The following UTP20 variants were observed in gnomAD, a reference collection of about 807,000 sequenced individuals.
UTP20 encodes small subunit processome component 20 homolog.
UTP20 carries 164 observed loss-of-function variants against 329.5 expected under a neutral mutation model. That is an observed-to-expected ratio of 0.50 (90% confidence interval 0.44 to 0.57). The LOEUF is 0.57. UTP20 is among the 20% of genes least tolerant of loss of function. The pLI is 0.00. For missense variants in UTP20, 3,055 were observed against 3,284.2 expected, an observed-to-expected ratio of 0.93 and a Z score of 1.71; for synonymous variants, 1,151 against 1,159.3, an observed-to-expected ratio of 0.99 and a Z score of 0.14.
chr12:101,360,552 C>T (rs1241033187), intron 43 of UTP20, among the ~76,000 whole-genome samples: 1 of 152,174 alleles, frequency 6.6e-6, no homozygotes, highest in Non-Finnish European at 1.5e-5. Context: ...GGGCCGAATG[C>T]TGTGGCTCAC....
At chr12:101,304,686 A>T (rs1872608017) in intron 15 of UTP20, among the ~76,000 whole-genome samples, 1 of 152,122 alleles carries the variant, frequency 6.6e-6, no homozygotes, top group South Asian at 2.1e-4. Flanking sequence ...GAGGCCAGGG[A>T]TGCTGCTGAG....
chr12:101,312,024 T>C lies in UTP20; in HGVS notation c.2312-12T>C. The stretch of plus-strand genomic sequence containing the variant: ...ATTTGTCTGGTGGTTATGACAACTT[T>C]CTTTCTTGCAGAGAAGGAACTACAG... On this transcript the variant is annotated splice_polypyrimidine_tract_variant and intron_variant, in intron 20 of 61. Coordinates refer to ENST00000261637, the MANE Select transcript of UTP20 (RefSeq NM_014503.3). The C allele has an allele frequency of 6.2e-7, 1 of 1,613,944 alleles. No individual in the cohort carries two copies.
intron 49 of UTP20, 90 bp downstream of exon 49, chr12:101,369,981 AG>A (rs1432892382): frequency 1.3e-5 from 17 of 1,290,722 alleles, no homozygotes; most frequent in Non-Finnish European, 1.6e-5. Flanking sequence ...TGGGAGGCTG[AG>A]GTGGGAGGAT....
At chr12:101,370,341 C>A in intron 49 of UTP20, 91 bp from the exon 50 acceptor site, 1 of 1,412,522 alleles carries the variant, frequency 7.1e-7, no homozygotes, top group Non-Finnish European at 9.5e-7. Flanking sequence ...TTTGGAAAAG[C>A]ATACTTGTGT....
intron 44 of UTP20, 67 bp from the exon 45 acceptor site, chr12:101,363,509 G>T: frequency 6.9e-7 from 1 of 1,439,128 alleles, no homozygotes; most frequent in South Asian, 1.5e-5. Flanking sequence ...CCTTTTTTCA[G>T]TGACTGCTTA....
chr12:101,300,899 T>C (rs904972492), intron 14 of UTP20, among the ~76,000 whole-genome samples: 14 of 152,132 alleles, frequency 9.2e-5, no homozygotes, highest in Non-Finnish European at 2.1e-4. Flanking sequence ...ATTTTTACCA[T>C]TGTAGAAAAT....
intron 38 of UTP20, among the ~76,000 whole-genome samples, chr12:101,349,075 C>A (rs1302656525): frequency 6.6e-6 from 1 of 151,896 alleles, no homozygotes; most frequent in Admixed American, 6.6e-5. Flanking sequence ...AGATGGTGCT[C>A]AACTGTATTC....
intron 2 of UTP20, among the ~76,000 whole-genome samples, chr12:101,283,368 T>A (rs1871857929): frequency 6.6e-6 from 1 of 152,194 alleles, no homozygotes; most frequent in Admixed American, 6.5e-5. Flanking sequence ...GGTGGCAGAA[T>A]CTTTTCAATA....
intron 12 of UTP20, among the ~76,000 whole-genome samples, chr12:101,298,874 GT>G (rs982118310): frequency 2.2e-4 from 31 of 143,520 alleles, no homozygotes; most frequent in South Asian, 4.4e-4. Context: ...CTTTGTTTTT[GT>G]TTTTTTTTTT....
chr12:101,290,074 G>T (rs1872088253), intron 6 of UTP20, 63 bp from the exon 7 acceptor site: 2 of 1,242,998 alleles, frequency 1.6e-6, no homozygotes, highest in African/African-American at 3.1e-5. Flanking sequence ...GCAAATGAGA[G>T]TTCTTCATTT....
chr12:101,383,165 G>C lies in UTP20; in HGVS notation c.7781G>C (p.Cys2594Ser), dbSNP rs751749567. The change falls in exon 59 of 62, where the codon TGT becomes TCT. Residue 2594 changes from cysteine to serine, a missense_variant. Transcript: ENST00000261637. ...EQEALEDGVA[C>S]ADEKAESDGE... ...GAAGCTTTAGAAGATGGTGTGGCCT[G>C]TGCAGATGAGAAGGCGGAGTCTGAC... 6.2e-7 allele frequency: 1 copy of C among 1,613,976 alleles called. No individual in the cohort carries two copies. Among genetic ancestry groups the C allele is most frequent in the South Asian group, 1.1e-5 (1 of 91,084 alleles).
intron 25 of UTP20, among the ~76,000 whole-genome samples, chr12:101,326,588 T>C (rs1301841476): frequency 2.0e-5 from 3 of 152,124 alleles, no homozygotes; most frequent in African/African-American, 7.2e-5. Context: ...TTATTTTACT[T>C]ACAATTGTAT....
At position 101,356,667 on chromosome 12, in the gene UTP20, A is replaced by G; in HGVS notation, c.5508A>G (p.Gln1836=). 1 of 1,612,196 alleles carries G rather than the reference A, an allele frequency of 6.2e-7. No individual in the cohort carries two copies. Among genetic ancestry groups the G allele is most frequent in the East Asian group, 2.2e-5 (1 of 44,850 alleles). The change falls in exon 42 of 62, where the codon CAA becomes CAG. Residue 1836 remains glutamine (Q), a synonymous_variant. Coordinates refer to ENST00000261637, the MANE Select transcript of UTP20 (RefSeq NM_014503.3). ...TTAAACTAATGCAGTCCCTTCCACA[A>G]GAAGTTATGGAAGCTAATCTGCCAA... ...AMVKLMQSLP[Q]EVMEANLPSI...
chr12:101,308,422 C>G, intron 18 of UTP20, 79 bp downstream of exon 18: 2 of 772,066 alleles, frequency 2.6e-6, no homozygotes, highest in South Asian at 1.3e-4. Context: ...AAGTAGTCAC[C>G]AAAATAATAA....
At chr12:101,341,164 G>A (rs11110757) in intron 32 of UTP20, among the ~76,000 whole-genome samples, 18,915 of 151,634 alleles carry the variant, frequency 0.12, 2,569 homozygotes, top group East Asian at 0.47. Context: ...TTTCAATAGG[G>A]ATGGGGTTTC....
intron 29 of UTP20, among the ~76,000 whole-genome samples, chr12:101,335,629 T>C (rs1868908922): frequency 6.6e-6 from 1 of 152,166 alleles, no homozygotes; most frequent in Non-Finnish European, 1.5e-5. Context: ...TCAGAAAAGG[T>C]TTTATTATTG....
chr12:101,320,500 G>A (rs968555699), intron 23 of UTP20, among the ~76,000 whole-genome samples: 3 of 151,884 alleles, frequency 2.0e-5, no homozygotes, highest in Non-Finnish European at 4.4e-5. Context: ...AGGTTGCAGT[G>A]AGTCGAGATC....
chr12:101,292,449 G>A (rs1423731592), intron 10 of UTP20, among the ~76,000 whole-genome samples: 22 of 152,174 alleles, frequency 1.4e-4, no homozygotes. Context: ...GGTTTTGATA[G>A]TTGTTGGAGA....
chr12:101,385,671 T>C lies in UTP20; in HGVS notation c.8145T>C (p.Ser2715=). Residue 2715 remains serine, a synonymous_variant, in exon 61 of 62, where the codon TCT becomes TCC. Coordinates refer to ENST00000261637, the MANE Select transcript of UTP20 (RefSeq NM_014503.3). The part of the protein sequence containing the change: ...GLESFSLAFA[S]VQKQANEKRA... ...AGAGCTTCTCATTAGCCTTTGCCTC[T>C]GTACAGAAACAGGCTAATGAGAAAA... is the stretch of plus-strand genomic sequence containing the variant. 6.2e-7 allele frequency: 1 copy of C among 1,613,798 alleles called. No homozygotes were observed. The highest frequency in any genetic ancestry group is 1.1e-5 in the South Asian group (1 of 90,946).
Sources: gnomAD v4.1 joint callset for allele counts (sites outside exome capture counted in the v4.1 genomes callset) on GRCh38, gnomAD v4.1.1 for gene constraint, MANE v1.5 for transcripts, NCBI Gene and HGNC (gene_info 2026-07-23, HGNC 2026-07-21) for gene names.